ZNF384: variants seen among roughly 807,000 people sequenced by gnomAD.
ZNF384 encodes the protein CAG repeat protein 1.
ZNF384 carries 20 observed loss-of-function variants against 65.0 expected under a neutral mutation model. That is an observed-to-expected ratio of 0.31 (90% CI 0.22 to 0.45). The LOEUF is 0.45. Ranked by LOEUF, ZNF384 falls within the 20% of genes least tolerant of loss-of-function variation. The pLI, the probability that ZNF384 is intolerant of heterozygous loss-of-function variation, is 1.00. For synonymous variants in ZNF384, 310 were observed against 303.9 expected, an observed-to-expected ratio of 1.02 and a Z score of -0.21; for missense variants, 549 against 769.4, an observed-to-expected ratio of 0.71 and a Z score of 3.39.
At chr12:6,680,830 T>G (rs750021529) in intron 2 of ZNF384, among the ~76,000 whole-genome samples, 1 of 152,116 alleles carries the variant, frequency 6.6e-6, no homozygotes, top group East Asian at 1.9e-4. Flanking sequence ...CTGGCACTAG[T>G]AGTAACCCAG....
intron 2 of ZNF384, among the ~76,000 whole-genome samples, chr12:6,681,071 A>G (rs1434530637): frequency 6.6e-6 from 1 of 151,954 alleles, no homozygotes; most frequent in African/African-American, 2.4e-5. Flanking sequence ...ACAAGAAATT[A>G]GCCGGGGCAT....
chr12:6,679,284 A>G lies in ZNF384; in HGVS notation c.67-101T>C, dbSNP rs372701480. 5.9e-5 allele frequency: 75 copies of G among 1,272,428 alleles called. No individual in the cohort carries two copies. The East Asian group carries it at 6.5e-4, about 11-fold the overall frequency. The allele number at this position is 1,272,428 out of a possible 1,614,324, so 78.8% of individuals were successfully genotyped here. On this transcript the variant is annotated intron_variant, in intron 3 of 11. Coordinates refer to ENST00000683879, the MANE Select transcript of ZNF384 (RefSeq NM_001385745.1). ...CAGTGTCTGTCCTCCTTAGGGATCA[A>G]GGATGAGCACTTCATACCTCTGGCC...
intron 10 of ZNF384, among the ~76,000 whole-genome samples, chr12:6,669,496 C>T (rs1238800233): frequency 6.6e-6 from 1 of 151,034 alleles, no homozygotes. Flanking sequence ...AGGGTCAAAA[C>T]TCTTTTTTTT....
rs1263810324 is a variant in ZNF384, at chr12:6,679,464, G to C, written c.57C>G (p.Val19=). 1 of 1,614,082 alleles carries C rather than the reference G, an allele frequency of 6.2e-7. No homozygotes were observed. Among genetic ancestry groups the C allele is most frequent in the East Asian group, 2.2e-5 (1 of 44,888 alleles). Residue 19 remains valine (V), a synonymous_variant, in exon 3 of 12, where the codon GTC becomes GTG. Coordinates refer to ENST00000683879, the MANE Select transcript of ZNF384 (RefSeq NM_001385745.1). ...NPYFWPSIPT[V]SGQIENTMFI... ...AAGCAACACCACTTACCTGACCTGA[G>C]ACTGTGGGGATAGAAGGCCAGAAGT...
intron 2 of ZNF384, among the ~76,000 whole-genome samples, chr12:6,682,121 T>C (rs1249480833): frequency 3.7e-5 from 5 of 136,824 alleles, no homozygotes; most frequent in Non-Finnish European, 7.7e-5. Flanking sequence ...TTTGAGACCG[T>C]GTCTCTAAAA....
Position 6,678,020 on chromosome 12 carries a change from A to C in ZNF384, c.686+107T>G. 1 of 1,042,176 alleles carries C rather than the reference A, an allele frequency of 9.6e-7. No homozygotes were observed. The highest frequency in any genetic ancestry group is 1.4e-6 in the Non-Finnish European group (1 of 707,098). The allele number at this position is 1,042,176 out of a possible 1,614,324, so 64.6% of individuals were successfully genotyped here. ...ACATGCAAGTGGCTCAGAGCTGGGA[A>C]GCTGTCAGAGTGTAGCGCCTGACCG... On this transcript the variant is annotated intron_variant, in intron 6 of 11. Coordinates refer to ENST00000683879, the MANE Select transcript of ZNF384 (RefSeq NM_001385745.1). This position sits in a 1 kb window ranked among gnomAD's most constrained non-coding sequence, Gnocchi z 4.9.
intron 2 of ZNF384, among the ~76,000 whole-genome samples, chr12:6,687,782 T>C (rs2137530986): frequency 6.6e-6 from 1 of 152,312 alleles, no homozygotes; most frequent in East Asian, 1.9e-4. Context: ...AACTCAGCTC[T>C]GCTTGTTCCA....
intron 2 of ZNF384, among the ~76,000 whole-genome samples, chr12:6,680,022 A>G (rs1280724065): frequency 6.6e-6 from 1 of 152,236 alleles, no homozygotes; most frequent in African/African-American, 2.4e-5. Context: ...TCTGTCACCC[A>G]GGCTACACTG....
In ZNF384 at chr12:6,679,531, GA is replaced by G. The variant is rs1289821174; in HGVS notation, c.-5-7del. ...GTGAGATTCTTCCATTCTACCTGAA[GA>G]AAAAATGAGAGAACATGTCACACTC... On this transcript the variant is annotated splice_region_variant and splice_polypyrimidine_tract_variant and intron_variant, in intron 2 of 11. Coordinates refer to ENST00000683879, the MANE Select transcript of ZNF384 (RefSeq NM_001385745.1). 1.2e-6 allele frequency: 2 copies of G among 1,609,168 alleles called. No homozygotes were observed. Among genetic ancestry groups the G allele is most frequent in the African/African-American group, 1.3e-5 (1 of 74,872 alleles).
chr12:6,681,112 G>A lies in ZNF384; in HGVS notation c.-5-1587C>T, dbSNP rs191440964. Among the ~76,000 whole-genome samples, 265 of 152,156 alleles carry A rather than the reference G, an allele frequency of 1.7e-3. 1 individual carries two copies. Among genetic ancestry groups the A allele is most frequent in the African/African-American group, 6.1e-3 (252 of 41,504 alleles). ...CGCATGCCTGTAATCCCAGCTACTT[G>A]GGAGGCTGAGGCAAGAGAATTGCTT... On this transcript the variant is annotated intron_variant, in intron 2 of 11. Coordinates refer to ENST00000683879, the MANE Select transcript of ZNF384 (RefSeq NM_001385745.1).
At position 6,672,421 on chromosome 12, in the gene ZNF384, C is replaced by T; in HGVS notation, c.1116G>A (p.Gly372=). 1 of 1,614,160 alleles carries T rather than the reference C, an allele frequency of 6.2e-7. No individual in the cohort carries two copies. Among genetic ancestry groups the T allele is most frequent in the South Asian group, 1.1e-5 (1 of 91,082 alleles). ...AGTAGGAACAGTTGTAGGGCTTGGCCCCCGAGTGGATACGGAGGTGCTGGG... is the reference window on the plus strand; with the variant it reads ...AGTAGGAACAGTTGTAGGGCTTGGCTCCCGAGTGGATACGGAGGTGCTGGG... The part of the protein sequence containing the change: ...YLAQHLRIHS[G]AKPYNCSYCQ... Residue 372 remains glycine (G), a synonymous_variant, in exon 9 of 12, where the codon GGG becomes GGA. Coordinates refer to ENST00000683879, the MANE Select transcript of ZNF384 (RefSeq NM_001385745.1). The surrounding 1 kb of genome is among the most constrained non-coding windows in gnomAD (Gnocchi z 4.4).
At chr12:6,685,322 C>CAAAAAGAA (rs58602907) in intron 2 of ZNF384, among the ~76,000 whole-genome samples, 106,163 of 146,142 alleles carry the variant, frequency 0.73, 38,967 homozygotes, top group East Asian at 0.99. Context: ...GACCCTGTCT[C>CAAAAAGAA]AAAAAGAAAA....
Position 6,679,983 on chromosome 12 carries a change from G to T in ZNF384, c.-5-458C>A, listed in dbSNP as rs115602483. 7.7e-3 allele frequency among the ~76,000 whole-genome samples: 1,168 copies of T among 152,260 alleles called. 16 individuals carry two copies. Among genetic ancestry groups the T allele is most frequent in the African/African-American group, 0.025 (1,019 of 41,534 alleles). On this transcript the variant is annotated intron_variant, in intron 2 of 11. Coordinates refer to ENST00000683879, the MANE Select transcript of ZNF384 (RefSeq NM_001385745.1). ...TATATTCCTTGAAATAGAAATTTTAGTTTTTCTGTTTTTGAGACAGGGTCT... is the reference window on the plus strand; with the variant it reads ...TATATTCCTTGAAATAGAAATTTTATTTTTTCTGTTTTTGAGACAGGGTCT...
At position 6,672,331 on chromosome 12, in the gene ZNF384, GC is replaced by G; in HGVS notation, c.1187+18del. On this transcript the variant is annotated intron_variant, in intron 9 of 11. Coordinates refer to ENST00000683879, the MANE Select transcript of ZNF384 (RefSeq NM_001385745.1). The surrounding 1 kb of genome is among the most constrained non-coding windows in gnomAD (Gnocchi z 4.4). ...GCATGCCAGCGGGGCGGGGTCAGTA[GC>G]CCGCCACTCTCCCTTACCGTGTGTG... The G allele has an allele frequency of 6.2e-7, 1 of 1,607,916 alleles. No homozygotes were observed. Among genetic ancestry groups the G allele is most frequent in the Non-Finnish European group, 8.5e-7 (1 of 1,176,732 alleles).
chr12:6,679,354 G>A, intron 3 of ZNF384, 101 bp downstream of exon 3: 1 of 1,295,130 alleles, frequency 7.7e-7, no homozygotes, highest in Non-Finnish European at 1.1e-6. Context: ...ATTCTCAGGG[G>A]TGGGGGACCC....
chr12:6,685,342 G>GAAAAAC (rs1431569600), intron 2 of ZNF384, among the ~76,000 whole-genome samples: 6 of 74,082 alleles, frequency 8.1e-5, no homozygotes, highest in African/African-American at 3.5e-4. Flanking sequence ...AAAAGAAAAA[G>GAAAAAC]AAATAGAAAG....
chr12:6,670,870 T>C (rs747409254), intron 9 of ZNF384, 32 bp from the exon 10 acceptor site: 5 of 1,596,602 alleles, frequency 3.1e-6, no homozygotes, highest in Non-Finnish European at 3.4e-6. Context: ...AGGGAAAGAA[T>C]GTCAGCAAGA....
chr12:6,668,253 A>C lies in ZNF384; in HGVS notation c.1426-138T>G, dbSNP rs1677376380. 17 of 842,914 alleles carry C rather than the reference A, an allele frequency of 2.0e-5. 1 individual carries two copies. In the South Asian group the frequency reaches 3.0e-4, roughly 15 times the overall value. The allele number at this position is 842,914 out of a possible 1,614,324, so 52.2% of individuals were successfully genotyped here. On this transcript the variant is annotated intron_variant, in intron 11 of 11. Coordinates refer to ENST00000683879, the MANE Select transcript of ZNF384 (RefSeq NM_001385745.1). Reference sequence around the variant, plus strand: ...TTTTCTGGAGCCAAGACTGAGCAAAACTCAAGTAGCACTTTCAGTGGCTCA... The same window carrying C: ...TTTTCTGGAGCCAAGACTGAGCAAACCTCAAGTAGCACTTTCAGTGGCTCA...
rs1404245420 is a variant in ZNF384, at chr12:6,681,172, T to C, written c.-5-1647A>G. Among the ~76,000 whole-genome samples the C allele has an allele frequency of 4.0e-5, 6 of 150,992 alleles. No homozygotes were observed. In the East Asian group the frequency reaches 7.8e-4, roughly 20 times the overall value. The stretch of plus-strand genomic sequence containing the variant: ...AGGCGGAGGTTGCAGTGAGCCAAGA[T>C]TGCGCCATTGCCTGGGCAACAAGAG... On this transcript the variant is annotated intron_variant, in intron 2 of 11. Transcript: ENST00000683879.
Sources: gnomAD v4.1 joint callset for allele counts (sites outside exome capture counted in the v4.1 genomes callset) on GRCh38, gnomAD v4.1.1 for gene constraint, Gnocchi (gnomAD v3.1) non-coding constraint, MANE v1.5 for transcripts, NCBI Gene and HGNC (gene_info 2026-07-23, HGNC 2026-07-21) for gene names.